CPVL: variants seen among roughly 807,000 people sequenced by gnomAD.
The protein encoded by CPVL is carboxypeptidase vitellogenic like, also known as probable serine carboxypeptidase CPVL.
Under a neutral mutation model 63.7 loss-of-function variants are expected in CPVL, and 51 were observed. The observed-to-expected ratio is 0.80, with a 90% CI of 0.64 to 1.01. CPVL has a LOEUF of 1.01. Ranked by LOEUF, CPVL falls within the 50% of genes least tolerant of loss-of-function variation. CPVL has a pLI of 0.00. For missense variants in CPVL, 530 were observed against 573.1 expected (o/e 0.92, Z 0.77); for synonymous variants, 195 against 206.0 (o/e 0.95, Z 0.46).
At chr7:29,173,672 T>A (rs1053083208) in intron 5 of CPVL, among the ~76,000 whole-genome samples, 2 of 151,820 alleles carry the variant, frequency 1.3e-5, no homozygotes, top group African/African-American at 4.8e-5. Context: ...GAAGAAATAT[T>A]TTTTTAAAAA....
At chr7:29,104,716 TGA>T in intron 3 of CPVL, among the ~76,000 whole-genome samples, 1 of 152,200 alleles carries the variant, frequency 6.6e-6, no homozygotes, top group Non-Finnish European at 1.5e-5. Context: ...CATTCCTTCA[TGA>T]GATAGTTATG....
At chr7:29,002,364 T>C (rs2529478) in intron 12 of CPVL, among the ~76,000 whole-genome samples, 66,367 of 152,028 alleles carry the variant, frequency 0.44, 16,545 homozygotes, top group Non-Finnish European at 0.58. Flanking sequence ...AAGCACTGAA[T>C]CAATCGTCTC....
intron 1 of CPVL, among the ~76,000 whole-genome samples, chr7:29,121,671 G>A (rs1224400004): frequency 3.3e-5 from 5 of 152,186 alleles, no homozygotes; most frequent in African/African-American, 1.2e-4. Flanking sequence ...TTCTCAGACA[G>A]GTGGGAGAAA....
chr7:29,093,377 CAAAAAA>C (rs371165878), intron 5 of CPVL, among the ~76,000 whole-genome samples: 2 of 70,024 alleles, frequency 2.9e-5, no homozygotes, highest in East Asian at 3.9e-4. Flanking sequence ...ACTCCGTCTC[CAAAAAA>C]AAAAAAAAAA....
chr7:29,095,017 TA>T, intron 5 of CPVL, 66 bp downstream of exon 5: 1 of 1,186,536 alleles, frequency 8.4e-7, no homozygotes, highest in Non-Finnish European at 1.2e-6. Flanking sequence ...ATGTACTTAA[TA>T]AAAAGGAAAA....
At chr7:29,096,689 A>C (rs1440859019) in intron 3 of CPVL, among the ~76,000 whole-genome samples, 1 of 152,166 alleles carries the variant, frequency 6.6e-6, no homozygotes, top group Non-Finnish European at 1.5e-5. Flanking sequence ...TTACTCACTA[A>C]GAACGTGTTC....
At chr7:29,194,006 G>C (rs1783235172) in intron 1 of CPVL, 1 of 152,432 alleles carries the variant, frequency 6.6e-6, no homozygotes, top group Admixed American at 6.5e-5. Flanking sequence ...GTCAGCTCCA[G>C]AGCAACAAAG....
At chr7:29,085,297 G>C (rs1178317124) in intron 7 of CPVL, among the ~76,000 whole-genome samples, 3 of 152,124 alleles carry the variant, frequency 2.0e-5, no homozygotes, top group Non-Finnish European at 4.4e-5. Context: ...AGGCTAATGG[G>C]GACCGGTCAA....
At chr7:29,045,758 C>CA (rs1213169360) in intron 11 of CPVL, among the ~76,000 whole-genome samples, 1 of 152,058 alleles carries the variant, frequency 6.6e-6, no homozygotes, top group African/African-American at 2.4e-5. Flanking sequence ...ATTTTGCCAT[C>CA]AAAAAATGTT....
chr7:29,030,799 G>A (rs1186989133), intron 11 of CPVL, 40 bp from the exon 12 acceptor site: 1 of 1,550,980 alleles, frequency 6.4e-7, no homozygotes, highest in Admixed American at 1.9e-5. Context: ...CAAGATTCAG[G>A]AGGTGAAGCT....
intron 11 of CPVL, among the ~76,000 whole-genome samples, chr7:29,037,745 G>A (rs1281583648): frequency 1.3e-5 from 2 of 152,214 alleles, no homozygotes; most frequent in South Asian, 2.1e-4. Context: ...CACCAGGCAC[G>A]CCACTGACTG....
intron 12 of CPVL, among the ~76,000 whole-genome samples, chr7:29,019,688 G>A (rs1175177692): frequency 6.6e-6 from 1 of 152,142 alleles, no homozygotes; most frequent in African/African-American, 2.4e-5. Flanking sequence ...GCTAAGGTCC[G>A]TTTTCTTCAT....
At chr7:29,147,209 G>C (rs1316521682), upstream of CPVL, 8 of 519,666 alleles carry the variant, frequency 1.5e-5, no homozygotes, top group Admixed American at 3.5e-5. Flanking sequence ...AAAAAGGCAA[G>C]GAGGTTGCAA....
At chr7:29,158,522 CTTTATGTGATAATATTGATACTT>C (rs1018951100) in intron 5 of CPVL, among the ~76,000 whole-genome samples, 10 of 36,776 alleles carry the variant, frequency 2.7e-4, no homozygotes, top group Non-Finnish European at 5.6e-4. Flanking sequence ...GTAGCCTAGT[CTTTATGTGATAATATTGATACTT>C]AAGTTTACCA....
At chr7:29,050,703 A>C (rs1033261382) in intron 11 of CPVL, among the ~76,000 whole-genome samples, 4 of 152,184 alleles carry the variant, frequency 2.6e-5, no homozygotes, top group Non-Finnish European at 4.4e-5. Flanking sequence ...AATCCTCATC[A>C]AAATACCACC....
intron 5 of CPVL, among the ~76,000 whole-genome samples, chr7:29,154,129 AC>A (rs1439514901): frequency 6.6e-6 from 1 of 152,142 alleles, no homozygotes; most frequent in Non-Finnish European, 1.5e-5. Flanking sequence ...CCTGTTTGTC[AC>A]CACATCACAG....
chr7:29,051,587 C>CA (rs2128173701), intron 11 of CPVL, among the ~76,000 whole-genome samples: 1 of 152,144 alleles, frequency 6.6e-6, no homozygotes, highest in East Asian at 1.9e-4. Context: ...ATCAAAAAAT[C>CA]AAAAAACAGT....
intron 3 of CPVL, among the ~76,000 whole-genome samples, chr7:29,105,132 C>T (rs1349647230): frequency 6.6e-6 from 1 of 152,246 alleles, no homozygotes; most frequent in Non-Finnish European, 1.5e-5. Context: ...GTGTTAGATA[C>T]ATTTTGAGAT....
chr7:29,104,208 C>A (rs1787496125), intron 3 of CPVL, among the ~76,000 whole-genome samples: 1 of 152,216 alleles, frequency 6.6e-6, no homozygotes, highest in African/African-American at 2.4e-5. Context: ...TCTTCCTTTA[C>A]TATGACTGCT....
Sources: allele counts gnomAD v4.1 joint callset (sites outside exome capture counted in the v4.1 genomes callset), GRCh38; gene constraint gnomAD v4.1.1; transcripts MANE v1.5; gene names NCBI Gene and HGNC (gene_info 2026-07-23, HGNC 2026-07-21).